Variants in ELOVL5 observed in about 807,000 individuals in gnomAD.
ELOVL5 encodes the protein ELOVL fatty acid elongase 5.
A neutral mutation model predicts 38.6 loss-of-function variants in ELOVL5; 8 were observed. The ratio of observed to expected loss-of-function variants is 0.21; its 90% confidence interval spans 0.12 to 0.37. The LOEUF is 0.37. Ranked by LOEUF, ELOVL5 falls within the 10% of genes least tolerant of loss-of-function variation. ELOVL5 has a pLI of 1.00. For missense variants in ELOVL5, 280 were observed against 367.8 expected (o/e 0.76, Z 1.95); for synonymous variants, 127 against 133.7 (o/e 0.95, Z 0.34).
intron 1 of ELOVL5, among the ~76,000 whole-genome samples, chr6:53,342,657 G>A (rs891355519): frequency 6.6e-6 from 1 of 152,180 alleles, no homozygotes; most frequent in Non-Finnish European, 1.5e-5. Context: ...CAATAAAATT[G>A]TTATTCTCCC....
At chr6:53,347,094 T>C (rs1769579193) in intron 1 of ELOVL5, among the ~76,000 whole-genome samples, 1 of 152,220 alleles carries the variant, frequency 6.6e-6, no homozygotes, top group Non-Finnish European at 1.5e-5. Context: ...TTGAAAAACA[T>C]CAAATTTTAG....
chr6:53,305,915 T>C (rs1024277220), intron 1 of ELOVL5, among the ~76,000 whole-genome samples: 9 of 151,854 alleles, frequency 5.9e-5, no homozygotes, highest in South Asian at 2.1e-4. Context: ...CTGGGCACCA[T>C]TGAGCACTGA....
chr6:53,324,270 A>T (rs6458917), intron 1 of ELOVL5, among the ~76,000 whole-genome samples: 1,715 of 139,148 alleles, frequency 0.012, 46 homozygotes, highest in African/African-American at 0.043. Context: ...AAAAAAAAAA[A>T]AAAAAGAAAA....
intron 1 of ELOVL5, among the ~76,000 whole-genome samples, chr6:53,296,080 T>C (rs1247747545): frequency 1.3e-5 from 2 of 152,102 alleles, no homozygotes; most frequent in East Asian, 3.9e-4. Context: ...GGACTTGAGG[T>C]AAGACAAGGA....
At chr6:53,348,495 C>A (rs1483778787) in intron 1 of ELOVL5, among the ~76,000 whole-genome samples, 5 of 152,132 alleles carry the variant, frequency 3.3e-5, no homozygotes, top group Non-Finnish European at 5.9e-5. Flanking sequence ...GTGTCGTGCC[C>A]CGCGGCGCCT....
At chr6:53,310,795 T>C (rs1022968113) in intron 1 of ELOVL5, among the ~76,000 whole-genome samples, 2 of 152,230 alleles carry the variant, frequency 1.3e-5, no homozygotes, top group African/African-American at 4.8e-5. Context: ...TGGCAGCTTA[T>C]GATCTGCAAC....
At chr6:53,286,863 ATATATG>A (rs1766592772) in intron 3 of ELOVL5, among the ~76,000 whole-genome samples, 1 of 152,310 alleles carries the variant, frequency 6.6e-6, no homozygotes, top group South Asian at 2.1e-4. Context: ...ATGTATACAT[ATATATG>A]TAGTAAAAAT....
chr6:53,276,150 T>C, intron 4 of ELOVL5, 29 bp downstream of exon 4: 2 of 1,493,488 alleles, frequency 1.3e-6, no homozygotes, highest in South Asian at 1.2e-5. Flanking sequence ...ACACTTATAA[T>C]AATAAAGTTT....
chr6:53,344,469 C>T (rs558893463), intron 1 of ELOVL5, among the ~76,000 whole-genome samples: 1 of 152,266 alleles, frequency 6.6e-6, no homozygotes, highest in South Asian at 2.1e-4. Flanking sequence ...CTCATAATGT[C>T]CTCATTCTTA....
intron 1 of ELOVL5, among the ~76,000 whole-genome samples, chr6:53,295,979 C>T (rs889640379): frequency 1.3e-5 from 2 of 151,948 alleles, no homozygotes; most frequent in African/African-American, 2.4e-5. Context: ...AAACTCTTTC[C>T]GTGAAGCTGA....
intron 1 of ELOVL5, among the ~76,000 whole-genome samples, chr6:53,329,267 G>A (rs866166356): frequency 6.6e-6 from 1 of 151,816 alleles, no homozygotes; most frequent in Non-Finnish European, 1.5e-5. Context: ...TGAAAAATAC[G>A]TTTTTATATT....
At chr6:53,332,493 A>G (rs1196933504) in intron 1 of ELOVL5, among the ~76,000 whole-genome samples, 1 of 152,222 alleles carries the variant, frequency 6.6e-6, no homozygotes, top group African/African-American at 2.4e-5. Context: ...TGCAAATAGA[A>G]TGTATTCAAT....
At chr6:53,298,967 A>C (rs761931657) in intron 1 of ELOVL5, among the ~76,000 whole-genome samples, 7 of 152,158 alleles carry the variant, frequency 4.6e-5, no homozygotes, top group Middle Eastern at 3.4e-3. Flanking sequence ...CCAAACATGA[A>C]AGACAAAACT....
At chr6:53,285,574 C>T (rs1766537715) in intron 3 of ELOVL5, among the ~76,000 whole-genome samples, 1 of 152,178 alleles carries the variant, frequency 6.6e-6, no homozygotes, top group Non-Finnish European at 1.5e-5. Flanking sequence ...AACTGTAGCA[C>T]ATACCACTGC....
At chr6:53,287,568 C>A (rs1766619690) in intron 3 of ELOVL5, among the ~76,000 whole-genome samples, 1 of 152,198 alleles carries the variant, frequency 6.6e-6, no homozygotes, top group South Asian at 2.1e-4. Flanking sequence ...AAAAAAAATT[C>A]ACTCTCTAGA....
chr6:53,305,027 C>T (rs1280083485), intron 1 of ELOVL5, among the ~76,000 whole-genome samples: 5 of 151,206 alleles, frequency 3.3e-5, no homozygotes, highest in African/African-American at 1.2e-4. Context: ...CCTCACCTCC[C>T]GGACGGGGCG....
intron 1 of ELOVL5, among the ~76,000 whole-genome samples, chr6:53,312,270 T>A (rs1767874391): frequency 6.6e-6 from 1 of 152,242 alleles, no homozygotes; most frequent in Non-Finnish European, 1.5e-5. Flanking sequence ...GCAGCTTTAT[T>A]CTAGCTAGAA....
intron 1 of ELOVL5, among the ~76,000 whole-genome samples, chr6:53,331,312 C>T (rs1057081636): frequency 2.6e-5 from 4 of 151,966 alleles, no homozygotes; most frequent in African/African-American, 9.7e-5. Flanking sequence ...AATGACAGAG[C>T]GAGACCCCAT....
intron 3 of ELOVL5, among the ~76,000 whole-genome samples, chr6:53,279,526 A>G (rs1766277604): frequency 6.6e-6 from 1 of 152,198 alleles, no homozygotes; most frequent in African/African-American, 2.4e-5. Flanking sequence ...ATCTGCATCA[A>G]CATATTCCAG....
Sources: allele counts gnomAD v4.1 joint callset (sites outside exome capture counted in the v4.1 genomes callset), GRCh38; gene constraint gnomAD v4.1.1; transcripts MANE v1.5; gene names NCBI Gene and HGNC (gene_info 2026-07-23, HGNC 2026-07-21).